Variants in RHOU observed in about 807,000 individuals in gnomAD.
The protein encoded by RHOU is ras homolog family member U, also known as rho-related GTP-binding protein RhoU.
RHOU carries 8 observed loss-of-function variants against 12.6 expected under a neutral mutation model. The ratio of observed to expected loss-of-function variants is 0.64; its 90% CI spans 0.37 to 1.15. The LOEUF (loss-of-function observed/expected upper bound fraction) is 1.15, where lower values mean the gene tolerates loss of function less well. Among genes scored for constraint, RHOU ranks in the 50% most tolerant of loss-of-function variants. RHOU has a pLI of 0.01. For synonymous variants in RHOU, 161 were observed against 147.4 expected (o/e 1.09, Z -0.67); for missense variants, 258 against 347.0 (o/e 0.74, Z 2.04).
the RHOU span, among the ~76,000 whole-genome samples, chr1:228,694,522 G>T: frequency 2.0e-5 from 3 of 152,192 alleles, no homozygotes; most frequent in Middle Eastern, 6.8e-3. Flanking sequence ...TCCCCCACAG[G>T]AGTCCATGTG....
the RHOU span, among the ~76,000 whole-genome samples, chr1:228,706,193 CT>C: frequency 7.9e-5 from 12 of 152,330 alleles, no homozygotes; most frequent in East Asian, 2.3e-3. Flanking sequence ...GGTTACTTTA[CT>C]TGGTCACTTG....
the RHOU span, among the ~76,000 whole-genome samples, chr1:228,665,318 G>A: frequency 1.3e-5 from 2 of 152,194 alleles, no homozygotes; most frequent in Admixed American, 6.6e-5. Context: ...AAGATAAAGA[G>A]GTGAAGGTGA....
chr1:228,674,167 C>T, the RHOU span, among the ~76,000 whole-genome samples: 1 of 152,138 alleles, frequency 6.6e-6, no homozygotes, highest in Non-Finnish European at 1.5e-5. Context: ...TGAATATCCT[C>T]TTTTGTGAAG....
At chr1:228,731,830 A>G (rs758084807), upstream of RHOU, among the ~76,000 whole-genome samples, 8 of 152,106 alleles carry the variant, frequency 5.3e-5, no homozygotes, top group Non-Finnish European at 1.2e-4. Flanking sequence ...GGCCTCAGAG[A>G]GACAAGATCT....
chr1:228,743,405 C>G lies in RHOU; in HGVS notation c.442C>G (p.Arg148Gly), dbSNP rs745690593. The change falls in exon 3 of 3, where the codon CGA becomes GGA. Residue 148 changes from arginine (R) to glycine (G), a missense_variant. By Grantham distance (125) the Arg-to-Gly change is moderately radical (BLOSUM62 -2). Transcript: ENST00000366691. The surrounding 1 kb of genome is among the most constrained non-coding windows in gnomAD (Gnocchi z 5.1). ...CAGTGAGAAATGGGTGCCGGAGATTCGATGCCACTGTCCCAAAGCCCCCAT... is the reference window on the plus strand; with the variant it reads ...CAGTGAGAAATGGGTGCCGGAGATTGGATGCCACTGTCCCAAAGCCCCCAT... ...NVSEKWVPEI[R>G]CHCPKAPIIL... is the part of the protein sequence containing the mutation. The G allele has an allele frequency of 1.2e-6, 2 of 1,614,132 alleles. No individual in the cohort carries two copies. Among genetic ancestry groups the G allele is most frequent in the Non-Finnish European group, 1.7e-6 (2 of 1,180,036 alleles).
the RHOU span, among the ~76,000 whole-genome samples, chr1:228,647,240 G>T: frequency 2.6e-5 from 4 of 152,190 alleles, no homozygotes; most frequent in African/African-American, 9.6e-5. Context: ...CTTTGGAGGT[G>T]GGTTTCGTAG....
the RHOU span, among the ~76,000 whole-genome samples, chr1:228,708,474 A>T: frequency 6.6e-6 from 1 of 151,830 alleles, no homozygotes; most frequent in Non-Finnish European, 1.5e-5. Context: ...CAGAAACTCT[A>T]CAAGCCAGAA....
chr1:228,655,974 CT>C, the RHOU span, among the ~76,000 whole-genome samples: 7 of 152,224 alleles, frequency 4.6e-5, no homozygotes, highest in Non-Finnish European at 1.0e-4. Context: ...GTGAAGACAT[CT>C]GTCCAGCAAC....
At chr1:228,646,522 C>G in the RHOU span, among the ~76,000 whole-genome samples, 2 of 103,414 alleles carry the variant, frequency 1.9e-5, no homozygotes, top group Non-Finnish European at 3.9e-5. Flanking sequence ...GCCGGCCCAG[C>G]CGCGCGGGGC....
the RHOU span, among the ~76,000 whole-genome samples, chr1:228,721,609 G>A: frequency 1.3e-5 from 2 of 152,178 alleles, no homozygotes; most frequent in African/African-American, 2.4e-5. Flanking sequence ...GGACTGTTTG[G>A]TTCAGAGCTG....
the RHOU span, among the ~76,000 whole-genome samples, chr1:228,658,304 AAAG>A: frequency 3.8e-3 from 578 of 151,700 alleles, 8 homozygotes; most frequent in African/African-American, 0.013. Context: ...AAAAAAAAAA[AAAG>A]GGTAAAAAGG....
chr1:228,710,982 T>C, the RHOU span, among the ~76,000 whole-genome samples: 2 of 151,918 alleles, frequency 1.3e-5, no homozygotes, highest in African/African-American at 4.8e-5. Context: ...ACAAAATCAA[T>C]GTACAAAAAT....
chr1:228,723,859 T>C, the RHOU span, among the ~76,000 whole-genome samples: 1 of 152,182 alleles, frequency 6.6e-6, no homozygotes, highest in African/African-American at 2.4e-5. Context: ...CTGCCTTAGG[T>C]TCACTAGGCT....
In RHOU at chr1:228,737,975, G is replaced by A. The variant is rs1339231678; in HGVS notation, c.321+244G>A. On this transcript the variant is annotated intron_variant, in intron 2 of 2. Transcript: ENST00000366691. This position sits in a 1 kb window ranked among gnomAD's most constrained non-coding sequence, Gnocchi z 4.1. ...GCCCAGCTCTGCGTAACCAGGCAAG[G>A]GAGGAAGCAGTGTCAAGAACAGCTC... 6.6e-6 allele frequency among the ~76,000 whole-genome samples: 1 copy of A among 152,166 alleles called. No homozygotes were observed. The highest frequency in any genetic ancestry group is 6.5e-5 in the Admixed American group (1 of 15,286).
At chr1:228,681,114 T>C in the RHOU span, among the ~76,000 whole-genome samples, 4 of 152,326 alleles carry the variant, frequency 2.6e-5, no homozygotes, top group East Asian at 1.9e-4. Context: ...TATATATTTA[T>C]TGGTGTCTGA....
the RHOU span, among the ~76,000 whole-genome samples, chr1:228,690,911 T>G: frequency 1.3e-5 from 2 of 152,174 alleles, no homozygotes; most frequent in African/African-American, 4.8e-5. Flanking sequence ...CCTCCGTGCA[T>G]GGTGGAAGAT....
chr1:228,685,678 AATAT>A, the RHOU span, among the ~76,000 whole-genome samples: 1 of 152,238 alleles, frequency 6.6e-6, no homozygotes, highest in Non-Finnish European at 1.5e-5. Flanking sequence ...ACTGTATGTG[AATAT>A]ATATCTTCCT....
upstream of RHOU, among the ~76,000 whole-genome samples, chr1:228,731,513 A>G (rs1662495898): frequency 6.6e-6 from 1 of 152,222 alleles, no homozygotes; most frequent in African/African-American, 2.4e-5. Flanking sequence ...AGATGGCCAG[A>G]TGGAGAAGCA....
At chr1:228,690,319 T>A in the RHOU span, among the ~76,000 whole-genome samples, 13 of 152,030 alleles carry the variant, frequency 8.6e-5, no homozygotes, top group East Asian at 3.9e-4. Context: ...AAGATTAGTT[T>A]GTTTGTTTTT....
Sources: allele counts gnomAD v4.1 joint callset (sites outside exome capture counted in the v4.1 genomes callset), GRCh38; gene constraint gnomAD v4.1.1; non-coding constraint Gnocchi (gnomAD v3.1); transcripts MANE v1.5; gene names NCBI Gene and HGNC (gene_info 2026-07-23, HGNC 2026-07-21).